Variants in JMJD1C observed in about 807,000 individuals in gnomAD.
JMJD1C encodes jumonji domain containing 1C, also known as jumonji domain-containing protein 1C.
JMJD1C carries 31 observed loss-of-function variants against 245.3 expected under a neutral mutation model. That is an observed-to-expected ratio of 0.13 (90% CI 0.09 to 0.17). The LOEUF is 0.17. Among genes scored for constraint, JMJD1C ranks in the 10% least tolerant of loss-of-function variants. The pLI, the probability that JMJD1C is intolerant of heterozygous loss-of-function variation, is 1.00. For missense variants in JMJD1C, 2,691 were observed against 3,000.2 expected, an observed-to-expected ratio of 0.90 and a Z score of 2.41; for synonymous variants, 1,057 against 1,017.4, an observed-to-expected ratio of 1.04 and a Z score of -0.74.
In JMJD1C at chr10:63,443,098, G is replaced by A. The variant is rs144927521; in HGVS notation, c.168+22397C>T. ...CTCCCAGGCCCCCTCCTCCAGTTAG[G>A]TAATTTGGTGCAATAACTCACAGAA... On this transcript the variant is annotated intron_variant, in intron 1 of 25. Coordinates refer to ENST00000399262, the MANE Select transcript of JMJD1C (RefSeq NM_032776.3). 5.8e-4 allele frequency among the ~76,000 whole-genome samples: 88 copies of A among 152,228 alleles called. No homozygotes were observed. In the East Asian group the frequency reaches 0.011, roughly 20 times the overall value.
chr10:63,278,882 A>G lies in JMJD1C; in HGVS notation c.334-14118T>C, dbSNP rs180800603. On this transcript the variant is annotated intron_variant, in intron 2 of 25. Transcript: ENST00000399262. ...AATAGTACTGTTATTAACCTGTGAT[A>G]TGTTATTCATTCATTTCTGGTCTTA... Among the ~76,000 whole-genome samples, 24 of 151,290 alleles carry G rather than the reference A, an allele frequency of 1.6e-4. No homozygotes were observed. In the East Asian group the frequency reaches 3.9e-3, roughly 25 times the overall value.
intron 1 of JMJD1C, among the ~76,000 whole-genome samples, chr10:63,443,751 C>CA (rs1247586703): frequency 6.6e-6 from 1 of 152,162 alleles, no homozygotes; most frequent in African/African-American, 2.4e-5. Flanking sequence ...GAGAGTGTTC[C>CA]AAGCTTCTAT....
At position 63,168,465 on chromosome 10, in the gene JMJD1C, C is replaced by T. The variant is rs529698959; in HGVS notation, c.7503G>A (p.Lys2501=). 3.7e-5 allele frequency: 60 copies of T among 1,609,664 alleles called. 1 individual carries two copies. The South Asian group carries it at 6.4e-4, about 17-fold the overall frequency. Residue 2501 remains lysine, a synonymous_variant, in exon 25 of 26, where the codon AAG becomes AAA. Transcript: ENST00000399262. ...FHLTQELRLL[K]EEINYDDKLQ... is the part of the protein sequence containing the mutation. ...GTTTATCATCATAATTGATTTCTTC[C>T]TTCAAAAGTCTCAGTTCCTGTGTTA...
chr10:63,174,741 G>A (rs1427713271), intron 24 of JMJD1C, among the ~76,000 whole-genome samples: 1 of 152,110 alleles, frequency 6.6e-6, no homozygotes, highest in Non-Finnish European at 1.5e-5. Flanking sequence ...GGCTGAGGCA[G>A]GAGAATCGCT....
At chr10:63,382,707 C>T (rs757646531) in intron 1 of JMJD1C, 3 of 448,420 alleles carry the variant, frequency 6.7e-6, no homozygotes, top group African/African-American at 2.0e-5. Context: ...TTCAACCCTT[C>T]GCTCCCCTAC....
chr10:63,413,914 T>C (rs761636653), intron 1 of JMJD1C, among the ~76,000 whole-genome samples: 5 of 151,636 alleles, frequency 3.3e-5, no homozygotes, highest in Non-Finnish European at 7.4e-5. Flanking sequence ...GAAGAGTAAC[T>C]GATACTGAAA....
chr10:63,253,892 T>C (rs904984421), intron 3 of JMJD1C, among the ~76,000 whole-genome samples: 1 of 152,172 alleles, frequency 6.6e-6, no homozygotes. Flanking sequence ...ATTTTGCTTA[T>C]ATTTGTTTTT....
intron 2 of JMJD1C, among the ~76,000 whole-genome samples, chr10:63,362,001 AGGCG>A (rs1945395796): frequency 6.6e-6 from 1 of 152,132 alleles, no homozygotes; most frequent in African/African-American, 2.4e-5. Context: ...TGGGAGGCCG[AGGCG>A]GGTGGATCAC....
intron 22 of JMJD1C, among the ~76,000 whole-genome samples, chr10:63,182,402 G>C (rs1843598266): frequency 6.6e-6 from 1 of 152,182 alleles, no homozygotes; most frequent in Non-Finnish European, 1.5e-5. Context: ...ATACGTGTGA[G>C]TGACAGCAGT....
intron 14 of JMJD1C, 35 bp from the exon 15 acceptor site, chr10:63,193,507 C>A: frequency 6.7e-7 from 1 of 1,491,286 alleles, no homozygotes; most frequent in Non-Finnish European, 9.1e-7. Flanking sequence ...AAAAAGATTA[C>A]CACTAGTTGT....
intron 2 of JMJD1C, among the ~76,000 whole-genome samples, chr10:63,342,135 C>T (rs184015487): frequency 6.9e-4 from 105 of 152,288 alleles, no homozygotes; most frequent in Admixed American, 6.1e-3. Context: ...ATAACGAAGA[C>T]GACTTTGACA....
chr10:63,201,473 T>TAC (rs1469269928), intron 10 of JMJD1C, among the ~76,000 whole-genome samples: 1 of 152,192 alleles, frequency 6.6e-6, no homozygotes, highest in Non-Finnish European at 1.5e-5. Context: ...CTTATTTACA[T>TAC]ACTCTACATC....
chr10:63,320,806 C>T (rs903647634), intron 2 of JMJD1C, among the ~76,000 whole-genome samples: 1 of 152,034 alleles, frequency 6.6e-6, no homozygotes, highest in Non-Finnish European at 1.5e-5. Context: ...CTAGGAATTT[C>T]CTAGGTGACA....
At chr10:63,220,673 C>T (rs1848497330) in intron 3 of JMJD1C, among the ~76,000 whole-genome samples, 1 of 152,116 alleles carries the variant, frequency 6.6e-6, no homozygotes, top group Admixed American at 6.5e-5. Flanking sequence ...TGCTGGTCTC[C>T]CACTGGACTC....
Position 63,208,796 on chromosome 10 carries a change from A to G in JMJD1C, c.2873T>C (p.Leu958Ser). The change falls in exon 10 of 26, where the codon TTA becomes TCA. Residue 958 changes from leucine to serine, a missense_variant. By Grantham distance (145) the Leu-to-Ser change is moderately radical. Around this residue, in one of 9 missense-constraint regions of JMJD1C, gnomAD observed 1,562 missense variants for 1,490.7 expected, o/e 1.05. Transcript: ENST00000399262. The part of the protein sequence containing the change: ...KTLVDHHKEE[L>S]ERKAFMEPLR... ...TGGTTCCATAAAAGCTTTTCTTTCT[A>G]ATTCTCTGTAAAGAAAATACACAAA... 1.3e-6 allele frequency: 2 copies of G among 1,567,798 alleles called. No individual in the cohort carries two copies. Among genetic ancestry groups the G allele is most frequent in the Non-Finnish European group, 1.7e-6 (2 of 1,163,026 alleles).
intron 1 of JMJD1C, among the ~76,000 whole-genome samples, chr10:63,453,671 C>T (rs555145806): frequency 1.4e-4 from 21 of 152,208 alleles, no homozygotes; most frequent in African/African-American, 5.1e-4. Flanking sequence ...GAATAATGTA[C>T]TATAAGTAGT....
chr10:63,316,243 G>A (rs1333605019), intron 2 of JMJD1C, among the ~76,000 whole-genome samples: 1 of 152,152 alleles, frequency 6.6e-6, no homozygotes, highest in Non-Finnish European at 1.5e-5. Flanking sequence ...ACTGCATTTG[G>A]CTTGAAAATT....
intron 1 of JMJD1C, among the ~76,000 whole-genome samples, chr10:63,405,811 A>G (rs951721354): frequency 2.6e-5 from 4 of 152,216 alleles, no homozygotes; most frequent in Non-Finnish European, 4.4e-5. Context: ...GGCCTGACAT[A>G]CATTAGGAAC....
chr10:63,176,491 A>G lies in JMJD1C; in HGVS notation c.7225-18T>C. On this transcript the variant is annotated intron_variant, in intron 23 of 25. Coordinates refer to ENST00000399262, the MANE Select transcript of JMJD1C (RefSeq NM_032776.3). ...TTTGAAATCTGAAATATGAATTAAA[A>G]TAGACACTCCAATTTAAGTAAGGAA... 6.3e-7 allele frequency: 1 copy of G among 1,582,638 alleles called. No individual in the cohort carries two copies.
Sources: allele counts gnomAD v4.1 joint callset (sites outside exome capture counted in the v4.1 genomes callset), GRCh38; gene constraint gnomAD v4.1.1; regional missense constraint gnomAD v4.1.1; transcripts MANE v1.5; gene names NCBI Gene and HGNC (gene_info 2026-07-23, HGNC 2026-07-21).